The following SPMIP2 variants were observed in gnomAD, a reference collection of about 807,000 sequenced individuals.
The protein encoded by SPMIP2 is protein SPMIP2.
At chr4:159,005,921 C>A in the SPMIP2 span, among the ~76,000 whole-genome samples, 11 of 152,132 alleles carry the variant, frequency 7.2e-5, no homozygotes, top group Non-Finnish European at 1.6e-4. Flanking sequence ...TGTGCCACCA[C>A]GCCCAGCTAA....
At chr4:158,916,835 G>A in the SPMIP2 span, among the ~76,000 whole-genome samples, 1 of 152,108 alleles carries the variant, frequency 6.6e-6, no homozygotes. Context: ...GTAGAGATAG[G>A]GTTTCACCAT....
chr4:158,945,264 C>T, the SPMIP2 span, among the ~76,000 whole-genome samples: 2 of 152,114 alleles, frequency 1.3e-5, no homozygotes, highest in African/African-American at 4.8e-5. Context: ...TGTGCCTTCC[C>T]TCCTCATCCG....
the SPMIP2 span, among the ~76,000 whole-genome samples, chr4:158,977,874 A>G: frequency 6.6e-6 from 1 of 152,012 alleles, no homozygotes; most frequent in Admixed American, 6.6e-5. Flanking sequence ...TCTGCCTCCC[A>G]GTGCTGGGAT....
At chr4:159,014,949 C>T in the SPMIP2 span, among the ~76,000 whole-genome samples, 1 of 152,202 alleles carries the variant, frequency 6.6e-6, no homozygotes, top group African/African-American at 2.4e-5. Context: ...TTACATGTAC[C>T]TTTCCATAAC....
At chr4:159,032,726 G>A in the SPMIP2 span, among the ~76,000 whole-genome samples, 19 of 149,716 alleles carry the variant, frequency 1.3e-4, no homozygotes, top group African/African-American at 3.9e-4. Context: ...AAATGAAAAC[G>A]TAACATTGTA....
At chr4:158,970,440 C>T in the SPMIP2 span, among the ~76,000 whole-genome samples, 117 of 151,624 alleles carry the variant, frequency 7.7e-4, no homozygotes, top group African/African-American at 2.4e-3. Flanking sequence ...CTCAGAAGGC[C>T]GAGGTAGGAG....
chr4:158,896,327 G>T, the SPMIP2 span, among the ~76,000 whole-genome samples: 1 of 152,134 alleles, frequency 6.6e-6, no homozygotes, highest in South Asian at 2.1e-4. Context: ...TGGGGGGACA[G>T]TGCTTTCCTT....
chr4:159,044,377 A>T, the SPMIP2 span, among the ~76,000 whole-genome samples: 2 of 151,110 alleles, frequency 1.3e-5, no homozygotes, highest in African/African-American at 4.8e-5. Flanking sequence ...TCAAAAAAAA[A>T]AAAAAAAAAA....
the SPMIP2 span, chr4:159,007,019 G>A: frequency 7.1e-6 from 3 of 421,200 alleles, no homozygotes; most frequent in Non-Finnish European, 1.4e-5. Context: ...ATTGTCCTGT[G>A]AAAGTTTTGA....
the SPMIP2 span, chr4:159,026,021 T>G: frequency 6.1e-6 from 1 of 162,780 alleles, no homozygotes; most frequent in Admixed American, 6.4e-5. Flanking sequence ...TTCTTTTTGC[T>G]TAATCAAGAG....
At chr4:158,979,028 C>T in the SPMIP2 span, among the ~76,000 whole-genome samples, 1 of 152,198 alleles carries the variant, frequency 6.6e-6, no homozygotes, top group East Asian at 1.9e-4. Context: ...CTATAAGCCC[C>T]TGACTGGGGG....
chr4:158,952,348 G>A, the SPMIP2 span, among the ~76,000 whole-genome samples: 1 of 152,184 alleles, frequency 6.6e-6, no homozygotes, highest in African/African-American at 2.4e-5. Flanking sequence ...AATCATGGGG[G>A]TGGTTTTCCC....
the SPMIP2 span, among the ~76,000 whole-genome samples, chr4:158,950,939 T>C: frequency 7.9e-5 from 12 of 152,208 alleles, no homozygotes; most frequent in Non-Finnish European, 1.5e-4. Context: ...TCTGTGGGAA[T>C]GTTAAAGGGT....
chr4:159,007,162 A>G, the SPMIP2 span: 6 of 909,112 alleles, frequency 6.6e-6, no homozygotes, highest in Middle Eastern at 2.5e-4. Flanking sequence ...GGAGGCCTGT[A>G]AACAGGTGGA....
At chr4:158,901,147 T>TTG in the SPMIP2 span, among the ~76,000 whole-genome samples, 18 of 150,224 alleles carry the variant, frequency 1.2e-4, no homozygotes, top group African/African-American at 4.2e-4. Context: ...TTTTTTTTTT[T>TTG]TTTGAGACAG....
the SPMIP2 span, among the ~76,000 whole-genome samples, chr4:158,921,720 G>A: frequency 9.9e-5 from 15 of 151,998 alleles, no homozygotes; most frequent in Non-Finnish European, 1.9e-4. Flanking sequence ...CAGAACTCTA[G>A]TTCCTTTTCA....
the SPMIP2 span, among the ~76,000 whole-genome samples, chr4:159,082,493 G>GTGTGTGTT: frequency 6.7e-6 from 1 of 148,864 alleles, no homozygotes; most frequent in Non-Finnish European, 1.5e-5. Flanking sequence ...GTGTGTGTGT[G>GTGTGTGTT]TTTTGAACCT....
chr4:159,051,323 TTC>T, the SPMIP2 span, among the ~76,000 whole-genome samples: 1 of 152,134 alleles, frequency 6.6e-6, no homozygotes, highest in Non-Finnish European at 1.5e-5. Context: ...TGCTTAAGAT[TTC>T]ACATGGACTT....
chr4:158,954,394 T>C, the SPMIP2 span, among the ~76,000 whole-genome samples: 3 of 152,190 alleles, frequency 2.0e-5, no homozygotes, highest in South Asian at 2.1e-4. Context: ...GCCTCCCCAG[T>C]CATGTGGAAC....
Sources: gnomAD v4.1 joint callset for allele counts (sites outside exome capture counted in the v4.1 genomes callset) on GRCh38, gnomAD v4.1.1 for gene constraint, MANE v1.5 for transcripts, NCBI Gene and HGNC (gene_info 2026-07-23, HGNC 2026-07-21) for gene names.